The following ARHGEF12 variants were observed in gnomAD, a reference collection of about 807,000 sequenced individuals.
ARHGEF12 encodes KMT2A/ARHGEF12 fusion protein.
ARHGEF12 carries 66 observed loss-of-function variants against 211.2 expected under a neutral mutation model. The ratio of observed to expected loss-of-function variants is 0.31; its 90% confidence interval spans 0.26 to 0.38. ARHGEF12 has a LOEUF of 0.38. Ranked by LOEUF, ARHGEF12 falls within the 10% of genes least tolerant of loss-of-function variation. The probability of loss-of-function intolerance (pLI) is 1.00; values close to 1 mark genes in which losing one functional copy is unlikely to be tolerated. For missense variants in ARHGEF12, 1,429 were observed against 1,869.5 expected (o/e 0.76, Z 4.34); for synonymous variants, 592 against 638.4 (o/e 0.93, Z 1.09).
chr11:120,351,085 C>A (rs936104057), intron 1 of ARHGEF12, among the ~76,000 whole-genome samples: 1 of 151,920 alleles, frequency 6.6e-6, no homozygotes, highest in Non-Finnish European at 1.5e-5. Context: ...TGCGGTGACT[C>A]ACGCCTATAA....
At position 120,358,312 on chromosome 11, in the gene ARHGEF12, A is replaced by G. The variant is rs150112363; in HGVS notation, c.32+21037A>G. 2.6e-5 allele frequency among the ~76,000 whole-genome samples: 4 copies of G among 152,264 alleles called. No individual in the cohort carries two copies. The East Asian group carries it at 5.8e-4, about 22-fold the overall frequency. On this transcript the variant is annotated intron_variant, in intron 1 of 40. Coordinates refer to ENST00000397843, the MANE Select transcript of ARHGEF12 (RefSeq NM_015313.3). ...TTAAGAAGATACTAAGAATACCAGC[A>G]GGGTGAAAGGTGTGTGGTCAAAGTG...
chr11:120,464,963 G>A (rs1413033803), intron 27 of ARHGEF12: 2 of 307,972 alleles, frequency 6.5e-6, no homozygotes, highest in Non-Finnish European at 1.2e-5. Flanking sequence ...CCAAGATCAT[G>A]CCATTGTACT....
intron 1 of ARHGEF12, among the ~76,000 whole-genome samples, chr11:120,382,611 C>G (rs1943907600): frequency 6.6e-6 from 1 of 152,224 alleles, no homozygotes; most frequent in Non-Finnish European, 1.5e-5. Flanking sequence ...AATTTATAGT[C>G]TGATCAGCGG....
chr11:120,399,347 A>AAAAAG (rs1565453345), intron 1 of ARHGEF12, among the ~76,000 whole-genome samples: 85 of 148,654 alleles, frequency 5.7e-4, no homozygotes, highest in African/African-American at 1.6e-3. Flanking sequence ...AAAAAAAAAA[A>AAAAAG]AAAAGAAAAG....
At chr11:120,454,761 A>G (rs570107925) in intron 22 of ARHGEF12, among the ~76,000 whole-genome samples, 17 of 152,232 alleles carry the variant, frequency 1.1e-4, no homozygotes, top group Non-Finnish European at 2.1e-4. Context: ...TCCTTGCCAC[A>G]TGGACTTTTC....
intron 1 of ARHGEF12, among the ~76,000 whole-genome samples, chr11:120,344,704 A>C (rs1449372889): frequency 6.6e-6 from 1 of 152,130 alleles, no homozygotes; most frequent in African/African-American, 2.4e-5. Flanking sequence ...GGTTATAATG[A>C]TGTATTATTA....
intron 31 of ARHGEF12, among the ~76,000 whole-genome samples, 185 bp from the exon 32 acceptor site, chr11:120,474,375 T>C (rs1946963811): frequency 6.6e-6 from 1 of 152,266 alleles, no homozygotes; most frequent in South Asian, 2.1e-4. Flanking sequence ...TAGAAAATTG[T>C]ATGCAGATTA....
intron 1 of ARHGEF12, 58 bp downstream of exon 1, chr11:120,337,333 G>T: frequency 6.2e-7 from 1 of 1,611,772 alleles, no homozygotes; most frequent in Non-Finnish European, 8.5e-7. Context: ...CCTAGCAGGG[G>T]AGTCGGTGAT....
chr11:120,337,423 G>T (rs1942385172), intron 1 of ARHGEF12, 148 bp downstream of exon 1: 1 of 1,479,054 alleles, frequency 6.8e-7, no homozygotes, highest in East Asian at 2.4e-5. Context: ...GCCTGGGGTT[G>T]CTGCCGAGTT....
intron 1 of ARHGEF12, among the ~76,000 whole-genome samples, chr11:120,380,119 C>G (rs1044031448): frequency 6.6e-6 from 1 of 152,198 alleles, no homozygotes; most frequent in Non-Finnish European, 1.5e-5. Context: ...TCACTGCCCC[C>G]TGAGAGTACC....
chr11:120,438,836 A>G (rs1945777611), intron 12 of ARHGEF12: 1 of 152,084 alleles, frequency 6.6e-6, no homozygotes, highest in African/African-American at 2.4e-5. Context: ...GTATGTATGT[A>G]TGTATTTATG....
rs372834979 is a variant in ARHGEF12, at chr11:120,380,324, A to T, written c.33-25794A>T. Among the ~76,000 whole-genome samples the T allele has an allele frequency of 8.5e-5, 13 of 152,332 alleles. No individual in the cohort carries two copies. In the East Asian group the frequency reaches 2.3e-3, roughly 27 times the overall value. On this transcript the variant is annotated intron_variant, in intron 1 of 40. Transcript: ENST00000397843. ...TGAAAACTAAGAAACCAACCTTAGT[A>T]CATACTGTTAACTAAACTTCATACT...
At chr11:120,339,005 C>CTTTTTTTTTT (rs906260027) in intron 1 of ARHGEF12, among the ~76,000 whole-genome samples, 52 of 121,986 alleles carry the variant, frequency 4.3e-4, no homozygotes, top group African/African-American at 1.4e-3. Context: ...TTTTCTTTTT[C>CTTTTTTTTTT]TTTTTTTTTT....
chr11:120,425,164 C>G (rs569797200), intron 7 of ARHGEF12, among the ~76,000 whole-genome samples: 3 of 152,126 alleles, frequency 2.0e-5, no homozygotes, highest in Non-Finnish European at 4.4e-5. Context: ...GTTTTCCCAT[C>G]TGCACAGGGA....
In ARHGEF12 at chr11:120,482,521, G is replaced by A. The variant is rs566726493; in HGVS notation, c.4554+945G>A. On this transcript the variant is annotated intron_variant, in intron 39 of 40. Transcript: ENST00000397843. The stretch of plus-strand genomic sequence containing the variant: ...CAGCACTTTGGGAGGCAAGGCAGGC[G>A]GATCACGAGGTCAGGAGATCGAGAC... Among the ~76,000 whole-genome samples the A allele has an allele frequency of 2.4e-4, 36 of 152,154 alleles. No homozygotes were observed. In the South Asian group the frequency reaches 6.9e-3, roughly 29 times the overall value.
rs762344825 is a variant in ARHGEF12 at position 120,445,514 on chromosome 11, T to C, written c.1345+50T>C. On this transcript the variant is annotated intron_variant, in intron 16 of 40. Transcript: ENST00000397843. ...GGAGAATTACATCTTAATAGATATG[T>C]AGCTCAGCTCATCTGTTCAGGTTTT... is the stretch of plus-strand genomic sequence containing the variant. The C allele has an allele frequency of 3.9e-6, 6 of 1,557,514 alleles. No individual in the cohort carries two copies. The African/African-American group carries it at 6.8e-5, about 18-fold the overall frequency.
At chr11:120,438,488 A>G (rs953163943) in intron 12 of ARHGEF12, 1 of 152,166 alleles carries the variant, frequency 6.6e-6, no homozygotes, top group African/African-American at 2.4e-5. Flanking sequence ...TTGAGGTTAA[A>G]GAAAATAATA....
chr11:120,469,167 A>G lies in ARHGEF12; in HGVS notation c.2855-121A>G, dbSNP rs1348351367. 6.7e-6 allele frequency: 5 copies of G among 750,864 alleles called. No homozygotes were observed. The African/African-American group carries it at 8.8e-5, about 13-fold the overall frequency. The allele number at this position is 750,864 out of a possible 1,614,324, so 46.5% of individuals were successfully genotyped here. ...CTGACAGAGGCTTTAAGCTGGTACA[A>G]AAATCTTCAAGGTCTTAATATGCTC... On this transcript the variant is annotated intron_variant, in intron 29 of 40. Transcript: ENST00000397843.
At chr11:120,364,926 A>G (rs1243222456) in intron 1 of ARHGEF12, among the ~76,000 whole-genome samples, 1 of 150,478 alleles carries the variant, frequency 6.6e-6, no homozygotes. Flanking sequence ...AGCTGATACT[A>G]CAGGCACACA....
Sources: allele counts gnomAD v4.1 joint callset (sites outside exome capture counted in the v4.1 genomes callset), GRCh38; gene constraint gnomAD v4.1.1; transcripts MANE v1.5; gene names NCBI Gene and HGNC (gene_info 2026-07-23, HGNC 2026-07-21).